DPP10: variants seen among roughly 807,000 people sequenced by gnomAD.
The protein encoded by DPP10 is dipeptidyl peptidase like 10.
In DPP10, 33 loss-of-function variants were observed where a neutral mutation model predicts 120.9. The ratio of observed to expected loss-of-function variants is 0.27; its 90% CI spans 0.21 to 0.37. The LOEUF (loss-of-function observed/expected upper bound fraction) is 0.37, where lower values mean the gene tolerates loss of function less well. Ranked by LOEUF, DPP10 falls within the 10% of genes least tolerant of loss-of-function variation. The pLI is 1.00. For synonymous variants in DPP10, 337 were observed against 326.1 expected, an observed-to-expected ratio of 1.03 and a Z score of -0.36; for missense variants, 816 against 942.8, an observed-to-expected ratio of 0.87 and a Z score of 1.76.
At position 115,309,259 on chromosome 2, in the gene DPP10, T is replaced by C. The variant is rs923548519; in HGVS notation, c.81T>C (p.Pro27=). Residue 27 remains proline (P), a synonymous_variant, in exon 2 of 26, where the codon CCT becomes CCC. Coordinates refer to ENST00000410059, the MANE Select transcript of DPP10 (RefSeq NM_020868.6). The part of the protein sequence containing the change: ...KTIKELGSNS[P]PQRNWKGIAI... Reference sequence around the variant, plus strand: ...GGTAGGAACTGGGAAGTAACAGCCCTCCACAGAGAAACTGGAAGGGAATTG... The same window carrying C: ...GGTAGGAACTGGGAAGTAACAGCCCCCCACAGAGAAACTGGAAGGGAATTG... 6.2e-7 allele frequency: 1 copy of C among 1,613,424 alleles called. No individual in the cohort carries two copies. Among genetic ancestry groups the C allele is most frequent in the Admixed American group, 1.7e-5 (1 of 59,960 alleles).
chr2:114,685,393 T>G (rs184723344), intron 1 of DPP10, among the ~76,000 whole-genome samples: 338 of 152,142 alleles, frequency 2.2e-3, no homozygotes, highest in African/African-American at 7.4e-3. Context: ...TCTCAGTTTT[T>G]GTCAATAATT....
intron 1 of DPP10, among the ~76,000 whole-genome samples, chr2:114,513,255 G>A (rs532378814): frequency 8.8e-4 from 134 of 152,198 alleles, no homozygotes; most frequent in South Asian, 2.5e-3. Context: ...GGGCACGGTG[G>A]CTAACGCCTG....
At chr2:115,765,678 G>A (rs1680622700) in intron 12 of DPP10, among the ~76,000 whole-genome samples, 1 of 152,068 alleles carries the variant, frequency 6.6e-6, no homozygotes, top group Non-Finnish European at 1.5e-5. Flanking sequence ...GAAAAAGGAA[G>A]ACGAAAAAGT....
intron 5 of DPP10, among the ~76,000 whole-genome samples, chr2:115,594,497 A>G (rs1283369951): frequency 1.3e-5 from 2 of 152,208 alleles, no homozygotes; most frequent in Admixed American, 6.5e-5. Context: ...TTCAGTATCT[A>G]ATAGTCCAGT....
At chr2:115,047,001 A>T (rs1243546026) in intron 1 of DPP10, among the ~76,000 whole-genome samples, 4 of 151,994 alleles carry the variant, frequency 2.6e-5, no homozygotes, top group Non-Finnish European at 5.9e-5. Context: ...CCTTACTCTC[A>T]TTCAATTCAG....
chr2:115,694,465 A>G (rs2091477427), intron 7 of DPP10, among the ~76,000 whole-genome samples: 2 of 152,186 alleles, frequency 1.3e-5, no homozygotes, highest in South Asian at 4.1e-4. Context: ...GAGAACTTTC[A>G]ATAGCACTAA....
At chr2:114,869,203 A>G (rs1443697684) in intron 1 of DPP10, among the ~76,000 whole-genome samples, 1 of 152,164 alleles carries the variant, frequency 6.6e-6, no homozygotes, top group Non-Finnish European at 1.5e-5. Context: ...GTGTACATAT[A>G]TATACATATA....
intron 1 of DPP10, among the ~76,000 whole-genome samples, chr2:115,305,455 G>A (rs2061322968): frequency 6.6e-6 from 1 of 152,098 alleles, no homozygotes; most frequent in African/African-American, 2.4e-5. Flanking sequence ...GTCTAAGGCT[G>A]GGTGTAGTGG....
At chr2:115,046,267 G>A (rs943213815) in intron 1 of DPP10, among the ~76,000 whole-genome samples, 3 of 152,152 alleles carry the variant, frequency 2.0e-5, no homozygotes, top group Non-Finnish European at 4.4e-5. Context: ...TGACAATGTA[G>A]CAATGACAAG....
intron 1 of DPP10, among the ~76,000 whole-genome samples, chr2:115,224,037 G>T (rs1019130046): frequency 6.6e-6 from 1 of 152,088 alleles, no homozygotes; most frequent in Non-Finnish European, 1.5e-5. Context: ...ACTATTATGT[G>T]TACTAGAGGT....
At chr2:115,517,188 A>C (rs541686919) in intron 4 of DPP10, among the ~76,000 whole-genome samples, 36 of 152,274 alleles carry the variant, frequency 2.4e-4, no homozygotes, top group Non-Finnish European at 4.4e-4. Flanking sequence ...TCATAGTTGC[A>C]AACAACCACT....
Position 115,088,982 on chromosome 2 carries a change from T to A in DPP10, c.61-220257T>A, listed in dbSNP as rs188580787. Among the ~76,000 whole-genome samples, 4 of 152,154 alleles carry A rather than the reference T, an allele frequency of 2.6e-5. No individual in the cohort carries two copies. In the East Asian group the frequency reaches 7.8e-4, roughly 30 times the overall value. On this transcript the variant is annotated intron_variant, in intron 1 of 25. Transcript: ENST00000410059. ...TTGACTTCCACAACCTTTATTGCCATCCCAGGTTGGCCCCTCATCCTCAGA... is the reference window on the plus strand; with the variant it reads ...TTGACTTCCACAACCTTTATTGCCAACCCAGGTTGGCCCCTCATCCTCAGA...
At chr2:114,768,628 G>A (rs1223940634) in intron 1 of DPP10, among the ~76,000 whole-genome samples, 2 of 151,990 alleles carry the variant, frequency 1.3e-5, no homozygotes, top group African/African-American at 2.4e-5. Flanking sequence ...TAATCACATC[G>A]GCAAAGTCCT....
intron 5 of DPP10, among the ~76,000 whole-genome samples, chr2:115,667,299 G>T (rs1017857950): frequency 6.6e-6 from 1 of 151,986 alleles, no homozygotes; most frequent in African/African-American, 2.4e-5. Context: ...CAGTCTGTAG[G>T]TTGTTTGTGT....
intron 1 of DPP10, among the ~76,000 whole-genome samples, chr2:114,515,165 C>A (rs1259110220): frequency 1.3e-5 from 2 of 152,170 alleles, no homozygotes; most frequent in Non-Finnish European, 2.9e-5. Flanking sequence ...ATCTCACGAT[C>A]AGGTTTACTT....
At chr2:115,044,328 G>T (rs144183776) in intron 1 of DPP10, among the ~76,000 whole-genome samples, 94 of 151,986 alleles carry the variant, frequency 6.2e-4, no homozygotes, top group Middle Eastern at 3.4e-3. Flanking sequence ...GAAGGGAGAG[G>T]TGCCACACAC....
intron 1 of DPP10, among the ~76,000 whole-genome samples, chr2:114,964,587 A>G (rs987753172): frequency 6.6e-6 from 1 of 152,074 alleles, no homozygotes; most frequent in Admixed American, 6.5e-5. Context: ...ATCCAAGCAG[A>G]GGGAAGAGCA....
At position 114,552,766 on chromosome 2, in the gene DPP10, G is replaced by A. The variant is rs185539407; in HGVS notation, c.60+109928G>A. Among the ~76,000 whole-genome samples the A allele has an allele frequency of 5.3e-5, 8 of 152,070 alleles. No homozygotes were observed. In the Middle Eastern group the frequency reaches 0.01, roughly 194 times the overall value. ...TCACCATGTTGGCCAGGATGGTCTC[G>A]AACTCCTGACCTCAGGTGATCCACC... On this transcript the variant is annotated intron_variant, in intron 1 of 25. Transcript: ENST00000410059.
chr2:114,492,986 A>C lies in DPP10; in HGVS notation c.60+50148A>C, dbSNP rs570788851. ...TTCTAGTGGACACTAAGACAAGCAC[A>C]CAGGTACTATGAGAAATAGTAGAAA... On this transcript the variant is annotated intron_variant, in intron 1 of 25. Transcript: ENST00000410059. Among the ~76,000 whole-genome samples the C allele has an allele frequency of 2.0e-5, 3 of 152,334 alleles. No homozygotes were observed. The East Asian group carries it at 5.8e-4, about 29-fold the overall frequency.
Sources: allele counts gnomAD v4.1 joint callset (sites outside exome capture counted in the v4.1 genomes callset), GRCh38; gene constraint gnomAD v4.1.1; transcripts MANE v1.5; gene names NCBI Gene and HGNC (gene_info 2026-07-23, HGNC 2026-07-21).